ABCB7: variants seen among roughly 807,000 people sequenced by gnomAD.
ABCB7 encodes iron-sulfur clusters transporter ABCB7, mitochondrial.
In ABCB7, 7 loss-of-function variants were observed where a neutral mutation model predicts 54.4. That is an observed-to-expected ratio of 0.13 (90% CI 0.07 to 0.24). The LOEUF is 0.24. Ranked by LOEUF, ABCB7 falls within the 10% of genes least tolerant of loss-of-function variation. The pLI is 1.00. For synonymous variants in ABCB7, 218 were observed against 207.1 expected (o/e 1.05, Z -0.45); for missense variants, 356 against 570.4 (o/e 0.62, Z 3.83).
chrX:75,137,330 T>C (rs2082017198), intron 1 of ABCB7, among the ~76,000 whole-genome samples: 1 of 112,183 alleles, frequency 8.9e-6, no homozygotes, highest in Non-Finnish European at 1.9e-5. Context: ...CACAATGAGA[T>C]ACCATCTCAT....
intron 5 of ABCB7, 80 bp from the exon 6 acceptor site, chrX:75,075,710 A>G: frequency 1.0e-6 from 1 of 971,099 alleles, no homozygotes; most frequent in Non-Finnish European, 1.4e-6. Flanking sequence ...GGGCTCAGAA[A>G]ATGTTTGTAC....
chrX:75,122,861 GGT>G (rs58879235), intron 1 of ABCB7, among the ~76,000 whole-genome samples: 3,303 of 93,114 alleles, frequency 0.035, 143 homozygotes, highest in African/African-American at 0.12. Context: ...TTAAAATTGG[GGT>G]GTGTGTGTGT....
intron 1 of ABCB7, among the ~76,000 whole-genome samples, chrX:75,117,247 C>A (rs932268534): frequency 9.1e-6 from 1 of 109,341 alleles, no homozygotes; most frequent in East Asian, 2.9e-4. Context: ...ACTGAGGAAA[C>A]CCTCGACCTA....
intron 14 of ABCB7, among the ~76,000 whole-genome samples, chrX:75,061,670 T>C (rs1176611126): frequency 8.9e-6 from 1 of 112,048 alleles, no homozygotes. Context: ...CAAATGCATC[T>C]GCCTATCTTC....
At chrX:75,061,677 C>T (rs928361416) in intron 14 of ABCB7, among the ~76,000 whole-genome samples, 10 of 111,755 alleles carry the variant, frequency 8.9e-5, no homozygotes, top group Non-Finnish European at 1.9e-4. Context: ...ATCTGCCTAT[C>T]TTCAGTTCTA....
intron 2 of ABCB7, 60 bp from the exon 3 acceptor site, chrX:75,113,032 A>G: frequency 9.8e-7 from 1 of 1,020,926 alleles, no homozygotes; most frequent in Non-Finnish European, 1.4e-6. Flanking sequence ...ATGTTTCACA[A>G]TTTGGCTTGA....
At chrX:75,118,226 CTGGGT>C (rs1245403939) in intron 1 of ABCB7, among the ~76,000 whole-genome samples, 1 of 111,504 alleles carries the variant, frequency 9.0e-6, no homozygotes, top group East Asian at 2.8e-4. Context: ...CAATGGCAGC[CTGGGT>C]GCAGGACTCA....
intron 1 of ABCB7, among the ~76,000 whole-genome samples, chrX:75,115,183 G>T (rs1276597661): frequency 1.0e-5 from 1 of 96,114 alleles, no homozygotes; most frequent in Non-Finnish European, 2.0e-5. Context: ...CAGGAGAATC[G>T]CTTCAACCCA....
chrX:75,058,007 G>A (rs952379262), intron 15 of ABCB7, among the ~76,000 whole-genome samples: 5 of 110,798 alleles, frequency 4.5e-5, no homozygotes, highest in Non-Finnish European at 9.4e-5. Flanking sequence ...TTCCTGATAA[G>A]TAAATCTCCA....
In ABCB7 at chrX:75,052,962, C is replaced by T. The variant is rs1285617332; in HGVS notation, c.*408G>A. On this transcript the variant is annotated 3_prime_UTR_variant, in exon 16 of 16. Transcript: ENST00000373394. ...GAAGGAGGGAGAAGAAACAATGAAC[C>T]TACACTATCCTCTTTTTCTTTCATG... 2 of 148,179 alleles carry T rather than the reference C, an allele frequency of 1.3e-5. No individual in the cohort carries two copies. The highest frequency in any genetic ancestry group is 2.6e-5 in the Non-Finnish European group (2 of 77,071). 12.2% of individuals were successfully genotyped at this position (148,179 alleles called of 1,213,427 possible).
chrX:75,073,258 A>G (rs1297999377), intron 8 of ABCB7, among the ~76,000 whole-genome samples: 3 of 112,093 alleles, frequency 2.7e-5, no homozygotes, highest in Non-Finnish European at 3.8e-5. Context: ...TCATTATCAA[A>G]TATTAAATGA....
At chrX:75,154,758 T>C (rs745764818) in intron 1 of ABCB7, among the ~76,000 whole-genome samples, 56 of 112,326 alleles carry the variant, frequency 5.0e-4, no homozygotes, top group African/African-American at 1.7e-3. Flanking sequence ...TACTGTCCCA[T>C]ACCTTGTACC....
intron 3 of ABCB7, among the ~76,000 whole-genome samples, chrX:75,103,883 T>G (rs184143590): frequency 9.2e-6 from 1 of 108,229 alleles, no homozygotes; most frequent in African/African-American, 3.3e-5. Context: ...AGTCTTTAGT[T>G]TTTTTCTAGA....
intron 3 of ABCB7, among the ~76,000 whole-genome samples, chrX:75,103,122 A>G (rs1337338432): frequency 8.9e-6 from 1 of 111,840 alleles, no homozygotes; most frequent in Non-Finnish European, 1.9e-5. Context: ...TTTTAAGCTT[A>G]ATATAGTCCC....
intron 3 of ABCB7, among the ~76,000 whole-genome samples, chrX:75,110,402 C>A (rs1431826299): frequency 9.0e-6 from 1 of 111,607 alleles, no homozygotes; most frequent in Non-Finnish European, 1.9e-5. Flanking sequence ...TTTAACAAAC[C>A]TCTTCCCAAT....
At chrX:75,111,171 T>C (rs2081757232) in intron 3 of ABCB7, among the ~76,000 whole-genome samples, 1 of 112,299 alleles carries the variant, frequency 8.9e-6, no homozygotes, top group East Asian at 2.8e-4. Context: ...GTCACAGTGA[T>C]AAAACTTCTA....
chrX:75,110,701 C>T (rs896421038), intron 3 of ABCB7, among the ~76,000 whole-genome samples: 7 of 111,793 alleles, frequency 6.3e-5, no homozygotes, highest in African/African-American at 2.3e-4. Context: ...TAGCAGATGC[C>T]TCTTCAAAGC....
intron 1 of ABCB7, among the ~76,000 whole-genome samples, chrX:75,143,542 G>C (rs778956010): frequency 1.8e-5 from 2 of 111,365 alleles, no homozygotes; most frequent in African/African-American, 6.5e-5. Flanking sequence ...CTTTTCAGCA[G>C]TGCCCCACTC....
chrX:75,107,682 C>CTTAAGGGGA, intron 3 of ABCB7, among the ~76,000 whole-genome samples: 1 of 111,320 alleles, frequency 9.0e-6, no homozygotes, highest in East Asian at 2.9e-4. Flanking sequence ...GCCCTTGGGC[C>CTTAAGGGGA]CTGAATAACC....
Sources: gnomAD v4.1 joint callset for allele counts (sites outside exome capture counted in the v4.1 genomes callset) on GRCh38, gnomAD v4.1.1 for gene constraint, MANE v1.5 for transcripts, NCBI Gene and HGNC (gene_info 2026-07-23, HGNC 2026-07-21) for gene names.